The following MYO1D variants were observed in gnomAD, a reference collection of about 807,000 sequenced individuals.
MYO1D encodes myosin ID, also known as unconventional myosin-Id.
MYO1D carries 83 observed loss-of-function variants against 122.0 expected under a neutral mutation model. The ratio of observed to expected loss-of-function variants is 0.68; its 90% confidence interval spans 0.57 to 0.82. The LOEUF (loss-of-function observed/expected upper bound fraction) is 0.82, where lower values mean the gene tolerates loss of function less well. Ranked by LOEUF, MYO1D falls within the 40% of genes least tolerant of loss-of-function variation. The pLI, the probability that MYO1D is intolerant of heterozygous loss-of-function variation, is 0.00. For missense variants in MYO1D, 1,157 were observed against 1,269.5 expected, an observed-to-expected ratio of 0.91 and a Z score of 1.35; for synonymous variants, 464 against 446.9, an observed-to-expected ratio of 1.04 and a Z score of -0.48.
At chr17:32,716,279 CCCCCAATATT>C (rs1421143344) in intron 15 of MYO1D, among the ~76,000 whole-genome samples, 1 of 152,174 alleles carries the variant, frequency 6.6e-6, no homozygotes, top group Non-Finnish European at 1.5e-5. Context: ...AAACCCTCTA[CCCCCAATATT>C]CTCTCTAAGG....
chr17:32,671,454 C>T (rs1005911695), intron 16 of MYO1D, among the ~76,000 whole-genome samples: 4 of 152,076 alleles, frequency 2.6e-5, no homozygotes, highest in Admixed American at 1.3e-4. Flanking sequence ...GGCGCTGGGG[C>T]GAAAGGCATA....
chr17:32,825,276 CTTT>C (rs2090710848), intron 1 of MYO1D, among the ~76,000 whole-genome samples: 2 of 151,892 alleles, frequency 1.3e-5, no homozygotes, highest in Non-Finnish European at 2.9e-5. Flanking sequence ...ATTTCTTTTT[CTTT>C]TTTCTTTATC....
At chr17:32,744,054 C>T (rs1011080183) in intron 13 of MYO1D, among the ~76,000 whole-genome samples, 8 of 152,304 alleles carry the variant, frequency 5.3e-5, no homozygotes, top group East Asian at 1.9e-4. Flanking sequence ...TAAATTCCAA[C>T]GCTTCCCTTC....
In MYO1D at chr17:32,712,167, G is replaced by T. The variant is rs2150986719; in HGVS notation, c.1942C>A (p.Pro648Thr). 2.5e-6 allele frequency: 4 copies of T among 1,613,806 alleles called. No individual in the cohort carries two copies. Among genetic ancestry groups the T allele is most frequent in the Non-Finnish European group, 2.5e-6 (3 of 1,179,862 alleles). The change falls in exon 16 of 22, where the codon CCC (proline) becomes ACC (threonine). Residue 648 changes from proline (P) to threonine (T), a missense_variant. Coordinates refer to ENST00000318217, the MANE Select transcript of MYO1D (RefSeq NM_015194.3). ...TTGTCTGAAGGAAGGTCATGGTTGG[G>T]CCAGGTGAATTCAGAGATCATCTTA... ...RYKMISEFTW[P>T]NHDLPSDKEA...
intron 20 of MYO1D, among the ~76,000 whole-genome samples, chr17:32,611,179 C>A (rs566710580): frequency 6.6e-6 from 1 of 152,288 alleles, no homozygotes; most frequent in Admixed American, 6.5e-5. Flanking sequence ...GGAATGAGCG[C>A]TAGAGAGCAG....
At chr17:32,876,637 C>A (rs760479530) in intron 1 of MYO1D, 141 bp downstream of exon 1, 115 of 605,772 alleles carry the variant, frequency 1.9e-4, no homozygotes, top group Non-Finnish European at 2.7e-4. Context: ...GCTTGGCAGA[C>A]CCCCGGACAC....
At chr17:32,734,900 T>C (rs539653568) in intron 14 of MYO1D, 1 of 150,496 alleles carries the variant, frequency 6.6e-6, no homozygotes, top group Admixed American at 6.6e-5. Context: ...TGAAACCCCA[T>C]CTGTACTAAA....
chr17:32,840,435 G>A (rs1047410122), intron 1 of MYO1D, among the ~76,000 whole-genome samples: 40 of 150,792 alleles, frequency 2.7e-4, no homozygotes, highest in African/African-American at 8.4e-4. Flanking sequence ...AGGTGTGTCC[G>A]CCAGCCATAA....
In MYO1D at chr17:32,824,045, C is replaced by T. The variant is rs191660272; in HGVS notation, c.96-43261G>A. On this transcript the variant is annotated intron_variant, in intron 1 of 21. Transcript: ENST00000318217. Reference sequence around the variant, plus strand: ...TCAGGCCACTGCATTCCAGCCTGGGCGATAGAGCAAGACTCCGTCTCAAAA... The same window carrying T: ...TCAGGCCACTGCATTCCAGCCTGGGTGATAGAGCAAGACTCCGTCTCAAAA... Among the ~76,000 whole-genome samples the T allele has an allele frequency of 5.3e-3, 638 of 120,078 alleles. 6 individuals are homozygous for T. The highest frequency in any genetic ancestry group is 0.02 in the African/African-American group (607 of 29,808). 78.8% of individuals were successfully genotyped at this position (120,078 alleles called of 152,430 possible).
At chr17:32,638,504 G>A (rs1402026760) in intron 20 of MYO1D, among the ~76,000 whole-genome samples, 1 of 152,172 alleles carries the variant, frequency 6.6e-6, no homozygotes, top group Non-Finnish European at 1.5e-5. Flanking sequence ...AGAATCAGTA[G>A]TCCTTACACT....
At chr17:32,822,506 G>T (rs144299400) in intron 1 of MYO1D, among the ~76,000 whole-genome samples, 21,307 of 150,944 alleles carry the variant, frequency 0.14, 1,922 homozygotes, top group Middle Eastern at 0.28. Flanking sequence ...TCGGCGCGCC[G>T]CTTCTTCGGT....
intron 16 of MYO1D, among the ~76,000 whole-genome samples, chr17:32,685,821 C>T (rs1418964799): frequency 6.6e-6 from 1 of 152,234 alleles, no homozygotes; most frequent in Non-Finnish European, 1.5e-5. Flanking sequence ...ACCCCATGCT[C>T]GGTTACATTA....
At chr17:32,850,095 A>AAATCATC (rs1292847476) in intron 1 of MYO1D, among the ~76,000 whole-genome samples, 1 of 152,218 alleles carries the variant, frequency 6.6e-6, no homozygotes, top group Non-Finnish European at 1.5e-5. Context: ...ACTGGCATAA[A>AAATCATC]AATCATCAGT....
At chr17:32,806,751 T>C (rs2430984) in intron 1 of MYO1D, among the ~76,000 whole-genome samples, 1 of 151,970 alleles carries the variant, frequency 6.6e-6, no homozygotes, top group Non-Finnish European at 1.5e-5. Context: ...TCTGTTACTA[T>C]GTTTTTATAG....
intron 16 of MYO1D, among the ~76,000 whole-genome samples, chr17:32,675,221 C>A (rs2088790294): frequency 6.6e-6 from 1 of 152,078 alleles, no homozygotes; most frequent in Non-Finnish European, 1.5e-5. Context: ...TAATGAGTAG[C>A]TCATGTTGGA....
chr17:32,688,386 C>A (rs1295839323), intron 16 of MYO1D, among the ~76,000 whole-genome samples: 1 of 152,180 alleles, frequency 6.6e-6, no homozygotes, highest in African/African-American at 2.4e-5. Context: ...GAACGTAAAT[C>A]CTACAATAAA....
chr17:32,756,844 A>T (rs1181036421), intron 10 of MYO1D, among the ~76,000 whole-genome samples: 1 of 152,192 alleles, frequency 6.6e-6, no homozygotes, highest in Non-Finnish European at 1.5e-5. Flanking sequence ...GCTTTTCAGC[A>T]ACTATACATG....
At chr17:32,736,986 G>A (rs2089710166) in intron 14 of MYO1D, among the ~76,000 whole-genome samples, 1 of 152,158 alleles carries the variant, frequency 6.6e-6, no homozygotes, top group Non-Finnish European at 1.5e-5. Context: ...CTTATATGCG[G>A]TCACTTGAGG....
chr17:32,589,264 T>C (rs1597914671), intron 21 of MYO1D, among the ~76,000 whole-genome samples: 1 of 152,158 alleles, frequency 6.6e-6, no homozygotes, highest in Non-Finnish European at 1.5e-5. Context: ...TCCCCGTGGG[T>C]TCCCTATGCT....
Sources: gnomAD v4.1 joint callset for allele counts (sites outside exome capture counted in the v4.1 genomes callset) on GRCh38, gnomAD v4.1.1 for gene constraint, MANE v1.5 for transcripts, NCBI Gene and HGNC (gene_info 2026-07-23, HGNC 2026-07-21) for gene names.